TNKS2: variants seen among roughly 807,000 people sequenced by gnomAD.
TNKS2 encodes the protein tankyrase 2.
TNKS2 carries 72 observed loss-of-function variants against 137.6 expected under a neutral mutation model. The ratio of observed to expected loss-of-function variants is 0.52; its 90% confidence interval spans 0.43 to 0.64. The LOEUF is 0.64. Among genes scored for constraint, TNKS2 ranks in the 30% least tolerant of loss-of-function variants. The probability of loss-of-function intolerance (pLI) is 0.00; values close to 1 mark genes in which losing one functional copy is unlikely to be tolerated. For synonymous variants in TNKS2, 516 were observed against 512.1 expected, an observed-to-expected ratio of 1.01 and a Z score of -0.10; for missense variants, 1,049 against 1,410.2, an observed-to-expected ratio of 0.74 and a Z score of 4.10.
In TNKS2 at chr10:91,862,086, C is replaced by A. The variant is rs777703630; in HGVS notation, c.3369C>A (p.His1123Gln). ...MKMAHSPPGH[H>Q]SVTGRPSVNG... ...TGGCACATTCTCCTCCAGGTCATCA[C>A]TCAGTCACTGGTAGGCCCAGTGTAA... Residue 1123 changes from histidine (H) to glutamine (Q), a missense_variant, in exon 26 of 27, where the codon CAC becomes CAA. Around this residue, in one of 6 missense-constraint regions of TNKS2, gnomAD observed 133 missense variants for 248.4 expected, o/e 0.54. Coordinates refer to ENST00000371627, the MANE Select transcript of TNKS2 (RefSeq NM_025235.4). The A allele has an allele frequency of 3.1e-6, 5 of 1,613,242 alleles. No homozygotes were observed.
intron 1 of TNKS2, among the ~76,000 whole-genome samples, chr10:91,803,432 A>G (rs746637514): frequency 8.5e-5 from 13 of 152,146 alleles, no homozygotes; most frequent in Non-Finnish European, 1.5e-4. Context: ...ACTTGAGCTT[A>G]AGAGTTCAAG....
intron 2 of TNKS2, 37 bp downstream of exon 2, chr10:91,813,244 G>C (rs1484454955): frequency 6.5e-7 from 1 of 1,534,576 alleles, no homozygotes; most frequent in East Asian, 2.3e-5. Context: ...TACTAATGTT[G>C]TAACTATTCT....
chr10:91,825,813 G>C (rs1418670330), intron 7 of TNKS2, among the ~76,000 whole-genome samples: 1 of 152,244 alleles, frequency 6.6e-6, no homozygotes, highest in African/African-American at 2.4e-5. Flanking sequence ...TGTTAGCAAG[G>C]ATATGTAGCA....
chr10:91,848,576 T>C lies in TNKS2; in HGVS notation c.2552T>C (p.Leu851Pro), dbSNP rs1564626424. The C allele has an allele frequency of 5.6e-6, 9 of 1,614,090 alleles. No individual in the cohort carries two copies. The highest frequency in any genetic ancestry group is 1.6e-4 in the Middle Eastern group (1 of 6,084). ...AACTTATCTGGGAGTTTTTCAGAAC[T>C]GTCTTCAGTAGTTAGTTCAAGTGGA... The part of the protein sequence containing the change: ...LDNLSGSFSE[L>P]SSVVSSSGTE... The change falls in exon 19 of 27, where the codon CTG becomes CCG. Residue 851 changes from leucine (L) to proline (P), a missense_variant. Physicochemically the swap from Leu to Pro is moderately conservative, Grantham distance 98. Transcript: ENST00000371627.
intron 22 of TNKS2, 62 bp from the exon 23 acceptor site, chr10:91,855,552 C>A: frequency 1.6e-6 from 2 of 1,289,846 alleles, no homozygotes; most frequent in South Asian, 1.3e-5. Context: ...GAACCATGTT[C>A]CCCAAATCAG....
At chr10:91,834,424 C>G (rs754903204) in intron 12 of TNKS2, among the ~76,000 whole-genome samples, 2 of 152,184 alleles carry the variant, frequency 1.3e-5, no homozygotes, top group African/African-American at 4.8e-5. Flanking sequence ...TGAATACACT[C>G]ATATTCATTA....
intron 13 of TNKS2, among the ~76,000 whole-genome samples, chr10:91,837,990 T>C (rs1400814119): frequency 8.4e-6 from 1 of 119,660 alleles, no homozygotes; most frequent in Admixed American, 8.3e-5. Flanking sequence ...TGTGAACTGA[T>C]TTTTTTTTCA....
At chr10:91,829,127 GTA>G (rs1845157289) in intron 9 of TNKS2, among the ~76,000 whole-genome samples, 2 of 152,172 alleles carry the variant, frequency 1.3e-5, no homozygotes, top group Admixed American at 1.3e-4. Flanking sequence ...GTTAATGTGT[GTA>G]GAAGCAGATT....
intron 25 of TNKS2, 128 bp from the exon 26 acceptor site, chr10:91,861,871 G>T: frequency 1.2e-6 from 1 of 802,196 alleles, no homozygotes; most frequent in South Asian, 2.6e-5. Context: ...TTTTAGGGGT[G>T]AAATGATAAA....
chr10:91,865,401 TAAAG>T lies in TNKS2; in HGVS notation c.*2405_*2408del, dbSNP rs1183776905. The T allele has an allele frequency of 6.6e-6, 1 of 152,582 alleles. No individual in the cohort carries two copies. The highest frequency in any genetic ancestry group is 1.9e-4 in the East Asian group (1 of 5,194). 9.5% of individuals were successfully genotyped at this position (152,582 alleles called of 1,614,324 possible). ...AATGTAGTTCTGAGTCTAATAGTGA[TAAAG>T]AATGCAGTTTGAAGTTTGAAATATT... On this transcript the variant is annotated 3_prime_UTR_variant, in exon 27 of 27. Transcript: ENST00000371627.
At chr10:91,857,601 T>G in intron 24 of TNKS2, 71 bp downstream of exon 24, 1 of 945,208 alleles carries the variant, frequency 1.1e-6, no homozygotes. Flanking sequence ...AGATATGAAA[T>G]AATAATAAGC....
chr10:91,809,730 A>G (rs1446735505), intron 1 of TNKS2, among the ~76,000 whole-genome samples: 1 of 152,044 alleles, frequency 6.6e-6, no homozygotes, highest in Non-Finnish European at 1.5e-5. Flanking sequence ...ATAGCATTCT[A>G]AAACCTTAAG....
At chr10:91,837,378 A>G (rs946949718) in intron 13 of TNKS2, among the ~76,000 whole-genome samples, 3 of 152,162 alleles carry the variant, frequency 2.0e-5, no homozygotes, top group African/African-American at 7.2e-5. Flanking sequence ...CTGTCTATAG[A>G]TTTCTTCTGA....
At chr10:91,801,884 G>A (rs903109977) in intron 1 of TNKS2, among the ~76,000 whole-genome samples, 1 of 152,152 alleles carries the variant, frequency 6.6e-6, no homozygotes, top group African/African-American at 2.4e-5. Context: ...GACAGTTAAT[G>A]CCCTAGAAAA....
chr10:91,841,877 T>C (rs543565319), intron 15 of TNKS2, among the ~76,000 whole-genome samples: 1 of 152,288 alleles, frequency 6.6e-6, no homozygotes, highest in South Asian at 2.1e-4. Flanking sequence ...TCATGAAAAG[T>C]AAAAATAGTA....
chr10:91,837,015 C>T lies in TNKS2; in HGVS notation c.1527+17C>T, dbSNP rs192969356. 24 of 1,608,474 alleles carry T rather than the reference C, an allele frequency of 1.5e-5. No homozygotes were observed. The East Asian group carries it at 3.1e-4, about 21-fold the overall frequency. On this transcript the variant is annotated intron_variant, in intron 13 of 26. Coordinates refer to ENST00000371627, the MANE Select transcript of TNKS2 (RefSeq NM_025235.4). ...ACTGTAAAAGTAAGATACAGTGTTA[C>T]GTTTCTGTTAACTTTGGGTTTTTAT...
At chr10:91,831,278 A>G in intron 11 of TNKS2, 97 bp downstream of exon 11, 1 of 1,117,462 alleles carries the variant, frequency 8.9e-7, no homozygotes, top group East Asian at 2.4e-5. Context: ...CTTTCTCATA[A>G]GTATTACTTT....
chr10:91,803,336 A>G (rs1243809299), intron 1 of TNKS2, among the ~76,000 whole-genome samples: 1 of 152,114 alleles, frequency 6.6e-6, no homozygotes, highest in African/African-American at 2.4e-5. Flanking sequence ...AACAATGGTG[A>G]CACCTCATCT....
At chr10:91,806,515 C>T (rs1409058452) in intron 1 of TNKS2, among the ~76,000 whole-genome samples, 2 of 152,100 alleles carry the variant, frequency 1.3e-5, no homozygotes, top group Admixed American at 1.3e-4. Context: ...ATAAATGCTG[C>T]TTCTGATCAC....
Sources: allele counts gnomAD v4.1 joint callset (sites outside exome capture counted in the v4.1 genomes callset), GRCh38; gene constraint gnomAD v4.1.1; regional missense constraint gnomAD v4.1.1; transcripts MANE v1.5; gene names NCBI Gene and HGNC (gene_info 2026-07-23, HGNC 2026-07-21).